Variants in HDAC8 observed in about 807,000 individuals in gnomAD.
HDAC8 encodes histone deacetylase 8.
Under a neutral mutation model 32.2 loss-of-function variants are expected in HDAC8, and 1 was observed. The observed-to-expected ratio is 0.03, with a 90% CI of 0.01 to 0.15. HDAC8 has a LOEUF of 0.15. HDAC8 is among the 10% of genes least tolerant of loss of function. The pLI, the probability that HDAC8 is intolerant of heterozygous loss-of-function variation, is 1.00. For synonymous variants in HDAC8, 108 were observed against 113.9 expected (o/e 0.95, Z 0.33); for missense variants, 117 against 300.0 (o/e 0.39, Z 4.51).
chrX:72,477,753 C>A (rs782009252), intron 7 of HDAC8, among the ~76,000 whole-genome samples: 19 of 112,541 alleles, frequency 1.7e-4, no homozygotes, highest in South Asian at 1.5e-3. Context: ...AACTCCAACT[C>A]ATCATATTTT....
chrX:72,514,183 T>C (rs1490485340), intron 4 of HDAC8, among the ~76,000 whole-genome samples: 1 of 112,388 alleles, frequency 8.9e-6, no homozygotes, highest in East Asian at 2.8e-4. Flanking sequence ...TTCTGAGTAC[T>C]GCAGGATAGC....
chrX:72,526,705 C>G (rs1556032402), intron 4 of HDAC8, among the ~76,000 whole-genome samples: 1 of 111,677 alleles, frequency 9.0e-6, no homozygotes, highest in Admixed American at 9.5e-5. Context: ...TCAGGTACCT[C>G]GAAGACACCA....
At chrX:72,496,494 T>A (rs1353534411) in intron 4 of HDAC8, among the ~76,000 whole-genome samples, 1 of 111,374 alleles carries the variant, frequency 9.0e-6, no homozygotes, top group African/African-American at 3.3e-5. Flanking sequence ...ATCTATGAAT[T>A]CTCTTTAAAT....
At chrX:72,354,167 G>A (rs901352814) in intron 9 of HDAC8, among the ~76,000 whole-genome samples, 4 of 112,204 alleles carry the variant, frequency 3.6e-5, no homozygotes, top group Non-Finnish European at 7.5e-5. Context: ...TGAGCGACAC[G>A]GTAGGCACAG....
intron 9 of HDAC8, among the ~76,000 whole-genome samples, chrX:72,408,410 CTTT>C (rs1410094335): frequency 9.0e-6 from 1 of 110,533 alleles, no homozygotes; most frequent in African/African-American, 3.3e-5. Flanking sequence ...TTCTTTCTTT[CTTT>C]ATTTTTTTTT....
At chrX:72,423,234 G>T (rs1264694318) in intron 9 of HDAC8, among the ~76,000 whole-genome samples, 1 of 111,232 alleles carries the variant, frequency 9.0e-6, no homozygotes, top group Non-Finnish European at 1.9e-5. Context: ...TTTGAATTTT[G>T]TTCCAAGTAG....
intron 7 of HDAC8, among the ~76,000 whole-genome samples, chrX:72,485,225 G>A (rs1365421402): frequency 8.9e-6 from 1 of 111,868 alleles, no homozygotes; most frequent in Non-Finnish European, 1.9e-5. Flanking sequence ...TTAAAACAGG[G>A]CTCTACTTGT....
At chrX:72,470,711 T>C (rs1460869481) in intron 7 of HDAC8, among the ~76,000 whole-genome samples, 15 of 112,072 alleles carry the variant, frequency 1.3e-4, no homozygotes, top group African/African-American at 4.9e-4. Flanking sequence ...TCGATTACCA[T>C]ATCCAAAAGC....
chrX:72,424,805 C>A (rs2046590176), intron 9 of HDAC8, among the ~76,000 whole-genome samples: 1 of 111,814 alleles, frequency 8.9e-6, no homozygotes. Context: ...TAGGTGAAAT[C>A]ATACAATATT....
At chrX:72,477,583 C>T (rs1312010380) in intron 7 of HDAC8, among the ~76,000 whole-genome samples, 1 of 112,168 alleles carries the variant, frequency 8.9e-6, no homozygotes, top group Non-Finnish European at 1.9e-5. Context: ...ATATAATATC[C>T]TTTCCCAGAT....
At chrX:72,489,147 ATT>A in intron 6 of HDAC8, 106 bp from the exon 7 acceptor site, 1 of 513,592 alleles carries the variant, frequency 1.9e-6, no homozygotes, top group Non-Finnish European at 3.2e-6. Context: ...ATTAAGAAAA[ATT>A]ATATAAAGAA....
rs782630112 is a variant in HDAC8, at chrX:72,493,450, G to A, written c.550+1706C>T. 9.7e-4 allele frequency among the ~76,000 whole-genome samples: 108 copies of A among 111,283 alleles called. 1 individual carries two copies. The highest frequency in any genetic ancestry group is 2.7e-3 in the South Asian group (7 of 2,605). Reference sequence around the variant, plus strand: ...ACCTACTAAATCTGAATATCTGGTGGATATGGCCCAGCAATCTGCATTTTA... The same window carrying A: ...ACCTACTAAATCTGAATATCTGGTGAATATGGCCCAGCAATCTGCATTTTA... On this transcript the variant is annotated intron_variant, in intron 5 of 10. Transcript: ENST00000373573.
chrX:72,446,101 T>A (rs1470738500), intron 9 of HDAC8, among the ~76,000 whole-genome samples: 1 of 112,305 alleles, frequency 8.9e-6, no homozygotes, highest in Non-Finnish European at 1.9e-5. Flanking sequence ...TGTAAACTAG[T>A]TCAACCCTTG....
chrX:72,470,720 GC>G (rs2048148638), intron 7 of HDAC8, among the ~76,000 whole-genome samples: 1 of 111,535 alleles, frequency 9.0e-6, no homozygotes, highest in Admixed American at 9.5e-5. Context: ...ATATCCAAAA[GC>G]CTTTTCTCTG....
chrX:72,335,332 T>C (rs1388804943), intron 10 of HDAC8, among the ~76,000 whole-genome samples: 2 of 112,204 alleles, frequency 1.8e-5, no homozygotes, highest in Non-Finnish European at 3.8e-5. Context: ...AAATCACCTG[T>C]GTTCCATGGA....
chrX:72,477,673 A>G (rs1444334398), intron 7 of HDAC8, among the ~76,000 whole-genome samples: 1 of 112,777 alleles, frequency 8.9e-6, no homozygotes, highest in South Asian at 3.6e-4. Context: ...CATTAACTTG[A>G]CATTGCATGG....
At chrX:72,392,273 G>C (rs1323410995) in intron 9 of HDAC8, among the ~76,000 whole-genome samples, 4 of 111,815 alleles carry the variant, frequency 3.6e-5, no homozygotes, top group African/African-American at 1.3e-4. Flanking sequence ...ATCCACCCCT[G>C]CCAGCTTACC....
chrX:72,345,516 GTGTTGTGCTGTACCC>G (rs1300109748), intron 10 of HDAC8, among the ~76,000 whole-genome samples: 1 of 111,340 alleles, frequency 9.0e-6, no homozygotes, highest in Non-Finnish European at 1.9e-5. Context: ...CCAGCACAGG[GTGTTGTGCTGTACCC>G]TGTCAATATC....
chrX:72,426,291 G>C (rs1376303705), intron 9 of HDAC8, among the ~76,000 whole-genome samples: 9 of 111,789 alleles, frequency 8.1e-5, no homozygotes, highest in Admixed American at 6.6e-4. Context: ...ACTGCTAATG[G>C]TGTAGGAATG....
Sources: gnomAD v4.1 joint callset for allele counts (sites outside exome capture counted in the v4.1 genomes callset) on GRCh38, gnomAD v4.1.1 for gene constraint, MANE v1.5 for transcripts, NCBI Gene and HGNC (gene_info 2026-07-23, HGNC 2026-07-21) for gene names.